MAP4K4: variants seen among roughly 807,000 people sequenced by gnomAD.
MAP4K4 encodes the protein mitogen-activated protein kinase kinase kinase kinase 4, also known as HPK/GCK-like kinase HGK.
In MAP4K4, 38 loss-of-function variants were observed where a neutral mutation model predicts 189.6. The observed-to-expected ratio is 0.20, with a 90% confidence interval of 0.15 to 0.26. The LOEUF is 0.26. Among genes scored for constraint, MAP4K4 ranks in the 10% least tolerant of loss-of-function variants. The pLI, the probability that MAP4K4 is intolerant of heterozygous loss-of-function variation, is 1.00. For synonymous variants in MAP4K4, 610 were observed against 624.3 expected, an observed-to-expected ratio of 0.98 and a Z score of 0.34; for missense variants, 1,054 against 1,726.9, an observed-to-expected ratio of 0.61 and a Z score of 6.91.
chr2:101,707,017 C>T (rs1320755760), intron 2 of MAP4K4, among the ~76,000 whole-genome samples: 10 of 152,118 alleles, frequency 6.6e-5, no homozygotes, highest in African/African-American at 2.4e-4. Flanking sequence ...CTGGGGCTTT[C>T]AACCACTAAA....
At chr2:101,824,088 C>G (rs747978174) in intron 4 of MAP4K4, 35 bp downstream of exon 4, 1 of 1,065,610 alleles carries the variant, frequency 9.4e-7, no homozygotes. Flanking sequence ...TGTGGGCATT[C>G]CATTTGCTTG....
At chr2:101,829,083 C>G (rs2096495263) in intron 5 of MAP4K4, among the ~76,000 whole-genome samples, 1 of 152,186 alleles carries the variant, frequency 6.6e-6, no homozygotes, top group African/African-American at 2.4e-5. Context: ...AGCCAGATTT[C>G]AAAGCCCTCT....
intron 8 of MAP4K4, among the ~76,000 whole-genome samples, chr2:101,835,223 C>G (rs1001762252): frequency 3.9e-5 from 6 of 152,208 alleles, no homozygotes; most frequent in African/African-American, 1.4e-4. Context: ...CATCCTTTCT[C>G]TCAGTTTTTG....
intron 2 of MAP4K4, among the ~76,000 whole-genome samples, chr2:101,786,819 G>A (rs1254240511): frequency 6.6e-6 from 1 of 152,162 alleles, no homozygotes; most frequent in African/African-American, 2.4e-5. Context: ...GGATTTTTTA[G>A]GATCGGTTGA....
chr2:101,824,701 A>C (rs2096274090), intron 4 of MAP4K4, among the ~76,000 whole-genome samples: 1 of 152,204 alleles, frequency 6.6e-6, no homozygotes, highest in African/African-American at 2.4e-5. Context: ...AATTAAGTAG[A>C]AGGCAAAAAA....
chr2:101,702,183 T>C (rs945581757), intron 2 of MAP4K4, among the ~76,000 whole-genome samples: 8 of 152,188 alleles, frequency 5.3e-5, no homozygotes, highest in Admixed American at 2.6e-4. Flanking sequence ...ATTTTAAATA[T>C]TTATTTGACC....
chr2:101,702,484 A>G (rs886432738), intron 2 of MAP4K4, among the ~76,000 whole-genome samples: 1 of 152,082 alleles, frequency 6.6e-6, no homozygotes, highest in Non-Finnish European at 1.5e-5. Context: ...CAGGAGAGTC[A>G]CTTGAACCTG....
intron 3 of MAP4K4, among the ~76,000 whole-genome samples, chr2:101,802,731 C>G (rs1289427649): frequency 6.6e-6 from 1 of 152,128 alleles, no homozygotes; most frequent in East Asian, 1.9e-4. Context: ...CTCCACCATG[C>G]CACTAACTGC....
intron 26 of MAP4K4, among the ~76,000 whole-genome samples, chr2:101,875,304 G>T (rs948951504): frequency 6.6e-6 from 1 of 151,858 alleles, no homozygotes; most frequent in African/African-American, 2.4e-5. Context: ...ATATGAAAAT[G>T]AATCACATAT....
At chr2:101,866,194 T>G (rs1383842621) in intron 18 of MAP4K4, among the ~76,000 whole-genome samples, 1 of 152,258 alleles carries the variant, frequency 6.6e-6, no homozygotes, top group Non-Finnish European at 1.5e-5. Flanking sequence ...CCTGATGATT[T>G]TAGATCTACT....
intron 27 of MAP4K4, among the ~76,000 whole-genome samples, chr2:101,881,771 C>T (rs73945508): frequency 0.013 from 1,979 of 152,202 alleles, 46 homozygotes; most frequent in African/African-American, 0.045. Context: ...TTTTCTGCAT[C>T]TGTTGATATG....
chr2:101,710,303 G>T (rs2044690735), intron 2 of MAP4K4, among the ~76,000 whole-genome samples: 2 of 152,156 alleles, frequency 1.3e-5, no homozygotes, highest in Non-Finnish European at 1.5e-5. Context: ...GAGCATCTTA[G>T]TTCTCTATAT....
chr2:101,768,298 T>C (rs1165822288), intron 2 of MAP4K4, among the ~76,000 whole-genome samples: 1 of 152,238 alleles, frequency 6.6e-6, no homozygotes, highest in Non-Finnish European at 1.5e-5. Context: ...GGGAAGTAAC[T>C]GAGCATCGTG....
intron 2 of MAP4K4, among the ~76,000 whole-genome samples, chr2:101,735,332 A>C (rs965786097): frequency 6.6e-6 from 1 of 152,146 alleles, no homozygotes; most frequent in African/African-American, 2.4e-5. Flanking sequence ...TGCTAGCCCT[A>C]TTTATCTTCA....
At chr2:101,841,693 C>T (rs912431893) in intron 10 of MAP4K4, among the ~76,000 whole-genome samples, 3 of 152,174 alleles carry the variant, frequency 2.0e-5, no homozygotes, top group Non-Finnish European at 2.9e-5. Context: ...GGTCTTGAAC[C>T]CCTGATCTCG....
chr2:101,717,568 G>C (rs1353349522), intron 2 of MAP4K4, among the ~76,000 whole-genome samples: 1 of 152,154 alleles, frequency 6.6e-6, no homozygotes, highest in East Asian at 1.9e-4. Flanking sequence ...ATAGACTTCT[G>C]TCATTAGAGG....
intron 2 of MAP4K4, among the ~76,000 whole-genome samples, chr2:101,707,713 C>T (rs548093334): frequency 2.2e-3 from 300 of 134,106 alleles, no homozygotes; most frequent in Non-Finnish European, 3.8e-3. Flanking sequence ...TTTTTTGAGA[C>T]GGAGTCTCGC....
intron 3 of MAP4K4, among the ~76,000 whole-genome samples, chr2:101,805,641 G>A (rs1001921587): frequency 4.6e-5 from 7 of 152,300 alleles, no homozygotes; most frequent in African/African-American, 1.7e-4. Flanking sequence ...AAATATTCAC[G>A]TCTGTATTTC....
At chr2:101,860,754 T>G (rs1488799759) in intron 15 of MAP4K4, 71 bp from the exon 16 acceptor site, 1 of 1,306,460 alleles carries the variant, frequency 7.7e-7, no homozygotes. Context: ...TCTTCCACTT[T>G]TAGACTTTCT....
Sources: gnomAD v4.1 joint callset for allele counts (sites outside exome capture counted in the v4.1 genomes callset) on GRCh38, gnomAD v4.1.1 for gene constraint, MANE v1.5 for transcripts, NCBI Gene and HGNC (gene_info 2026-07-23, HGNC 2026-07-21) for gene names.